CEP85L: variants seen among roughly 807,000 people sequenced by gnomAD.
CEP85L encodes centrosomal protein of 85 kDa-like.
CEP85L carries 60 observed loss-of-function variants against 100.3 expected under a neutral mutation model. The ratio of observed to expected loss-of-function variants is 0.60; its 90% CI spans 0.49 to 0.74. The LOEUF (loss-of-function observed/expected upper bound fraction) is 0.74, where lower values mean the gene tolerates loss of function less well. CEP85L is among the 30% of genes least tolerant of loss of function. The probability of loss-of-function intolerance (pLI) is 0.00; values close to 1 mark genes in which losing one functional copy is unlikely to be tolerated. For synonymous variants in CEP85L, 319 were observed against 322.7 expected, an observed-to-expected ratio of 0.99 and a Z score of 0.12; for missense variants, 973 against 936.2, an observed-to-expected ratio of 1.04 and a Z score of -0.51.
intron 4 of CEP85L, among the ~76,000 whole-genome samples, chr6:118,512,210 G>T (rs1188029823): frequency 1.3e-5 from 2 of 152,112 alleles, no homozygotes. Flanking sequence ...AGGAATGGTG[G>T]TCTCCCTGAA....
chr6:118,619,233 T>C (rs1773278921), intron 2 of CEP85L, among the ~76,000 whole-genome samples: 1 of 152,126 alleles, frequency 6.6e-6, no homozygotes, highest in South Asian at 2.1e-4. Flanking sequence ...AGTTCGACCC[T>C]GAGACCTTAA....
intron 1 of CEP85L, among the ~76,000 whole-genome samples, chr6:118,636,094 T>C (rs1774475577): frequency 6.6e-6 from 1 of 152,180 alleles, no homozygotes; most frequent in African/African-American, 2.4e-5. Flanking sequence ...CTGTAGACAA[T>C]AAAATGGATG....
At chr6:118,506,216 C>T (rs1406401260) in intron 5 of CEP85L, among the ~76,000 whole-genome samples, 1 of 152,110 alleles carries the variant, frequency 6.6e-6, no homozygotes, top group African/African-American at 2.4e-5. Context: ...AGTGCACTAA[C>T]AAAAACAGTG....
At chr6:118,600,300 G>GGGGGGGGGGGGT (rs1562297733) in intron 2 of CEP85L, among the ~76,000 whole-genome samples, 1 of 52,236 alleles carries the variant, frequency 1.9e-5, no homozygotes, top group Non-Finnish European at 4.0e-5. Flanking sequence ...CCTTCCTGGG[G>GGGGGGGGGGGGT]GTGTGTGTGT....
At chr6:118,607,575 G>C (rs562097223) in intron 2 of CEP85L, among the ~76,000 whole-genome samples, 11 of 152,156 alleles carry the variant, frequency 7.2e-5, no homozygotes, top group African/African-American at 2.7e-4. Context: ...CAATAGTGAC[G>C]AGAGGGGACT....
intron 3 of CEP85L, among the ~76,000 whole-genome samples, chr6:118,557,130 A>G (rs1187986892): frequency 6.6e-6 from 1 of 152,228 alleles, no homozygotes; most frequent in Non-Finnish European, 1.5e-5. Context: ...TACTTAAGAT[A>G]ACATTCTATA....
upstream of CEP85L, chr6:118,651,811 C>A (rs1309213553): frequency 1.0e-6 from 1 of 985,662 alleles, no homozygotes; most frequent in Admixed American, 6.1e-5. Context: ...ATCCTCCCGC[C>A]CTGCGAGTTG....
At chr6:118,576,372 C>T (rs527732378) in intron 2 of CEP85L, among the ~76,000 whole-genome samples, 5 of 152,276 alleles carry the variant, frequency 3.3e-5, no homozygotes, top group Admixed American at 6.5e-5. Context: ...TCCGGAAAGC[C>T]GAAAAAGGGT....
chr6:118,693,950 T>C (rs538572128), intron 1 of CEP85L, among the ~76,000 whole-genome samples: 1 of 152,232 alleles, frequency 6.6e-6, no homozygotes. Flanking sequence ...AGTAAGTATC[T>C]AGCATTTTGG....
At position 118,511,865 on chromosome 6, in the gene CEP85L, A is replaced by T. The variant is rs1775991344; in HGVS notation, c.1140-450T>A. ...CTCAGGATGATTTCTAAAATTTGCT[A>T]ACCTTTAAGAAAATCCACATATAAA... On this transcript the variant is annotated intron_variant, in intron 4 of 12. Coordinates refer to ENST00000368491, the MANE Select transcript of CEP85L (RefSeq NM_001042475.3). Among the ~76,000 whole-genome samples, 9 of 152,254 alleles carry T rather than the reference A, an allele frequency of 5.9e-5. 1 individual carries two copies. The South Asian group carries it at 1.9e-3, about 32-fold the overall frequency.
At chr6:118,518,495 T>C (rs935874537) in intron 4 of CEP85L, among the ~76,000 whole-genome samples, 2 of 152,244 alleles carry the variant, frequency 1.3e-5, no homozygotes, top group Admixed American at 6.5e-5. Context: ...CCATTTCTTC[T>C]AGATTTTCTA....
intron 8 of CEP85L, among the ~76,000 whole-genome samples, chr6:118,481,072 C>A (rs188008901): frequency 5.3e-5 from 8 of 151,568 alleles, no homozygotes; most frequent in South Asian, 4.2e-4. Context: ...TTGAGACCCA[C>A]GAGGCAAGAG....
chr6:118,600,275 C>A (rs1458104275), intron 2 of CEP85L, among the ~76,000 whole-genome samples: 1 of 100,532 alleles, frequency 9.9e-6, no homozygotes. Flanking sequence ...AAACCTAGTA[C>A]TGCCTGTCCC....
chr6:118,530,189 T>C lies in CEP85L; in HGVS notation c.1021-6269A>G, dbSNP rs188208582. On this transcript the variant is annotated intron_variant, in intron 3 of 12. Transcript: ENST00000368491. ...AAATGGAGACATAAACCCACAATCA[T>C]ATTACCAACTTTAGCACACCTCTAA... 2.1e-3 allele frequency among the ~76,000 whole-genome samples: 314 copies of C among 152,134 alleles called. 3 individuals are homozygous for C. The highest frequency in any genetic ancestry group is 3.5e-3 in the Non-Finnish European group (239 of 67,998).
intron 6 of CEP85L, among the ~76,000 whole-genome samples, chr6:118,484,607 T>C (rs537919431): frequency 1.4e-4 from 22 of 152,288 alleles, no homozygotes; most frequent in African/African-American, 4.8e-4. Context: ...TGGAACAATG[T>C]TATTGGGTGC....
At chr6:118,583,517 C>A (rs749323772) in intron 2 of CEP85L, among the ~76,000 whole-genome samples, 6 of 152,188 alleles carry the variant, frequency 3.9e-5, no homozygotes, top group Non-Finnish European at 7.4e-5. Context: ...TGGGGGCCTG[C>A]AGCATCTTTA....
At chr6:118,525,959 C>T (rs1776938630) in intron 3 of CEP85L, among the ~76,000 whole-genome samples, 1 of 152,176 alleles carries the variant, frequency 6.6e-6, no homozygotes, top group Admixed American at 6.5e-5. Flanking sequence ...TAACATCAAC[C>T]AGTCACAGAT....
intron 3 of CEP85L, among the ~76,000 whole-genome samples, chr6:118,528,427 T>G (rs1330833085): frequency 2.6e-5 from 4 of 152,122 alleles, no homozygotes; most frequent in African/African-American, 9.7e-5. Context: ...GTAACTCCCT[T>G]GATCTAAACC....
chr6:118,605,342 G>A (rs552563699), intron 2 of CEP85L, among the ~76,000 whole-genome samples: 1 of 152,168 alleles, frequency 6.6e-6, no homozygotes, highest in Admixed American at 6.5e-5. Flanking sequence ...CCAGTGGGGG[G>A]TGGGGATGTT....
Sources: gnomAD v4.1 joint callset for allele counts (sites outside exome capture counted in the v4.1 genomes callset) on GRCh38, gnomAD v4.1.1 for gene constraint, MANE v1.5 for transcripts, NCBI Gene and HGNC (gene_info 2026-07-23, HGNC 2026-07-21) for gene names.